Variants in SPOCK1 observed in about 807,000 individuals in gnomAD.
SPOCK1 encodes SPARC (osteonectin), cwcv and kazal like domains proteoglycan 1.
A neutral mutation model predicts 55.3 loss-of-function variants in SPOCK1; 23 were observed. The observed-to-expected ratio is 0.42, with a 90% CI of 0.30 to 0.59. SPOCK1 has a LOEUF of 0.59. SPOCK1 is among the 20% of genes least tolerant of loss of function. The pLI is 0.22. For synonymous variants in SPOCK1, 226 were observed against 221.0 expected (o/e 1.02, Z -0.20); for missense variants, 499 against 552.5 (o/e 0.90, Z 0.97).
intron 3 of SPOCK1, among the ~76,000 whole-genome samples, chr5:137,204,672 T>A (rs1167815129): frequency 1.4e-5 from 2 of 139,014 alleles, no homozygotes; most frequent in Admixed American, 7.1e-5. Flanking sequence ...AGCTTGTAAC[T>A]GACCTTCCCA....
Position 137,112,484 on chromosome 5 carries a change from G to A in SPOCK1, c.425C>T (p.Ala142Val). The change falls in exon 5 of 11, where the codon GCA becomes GTA. Residue 142 changes from alanine (A) to valine (V), a missense_variant. This residue lies in a region of SPOCK1 where 386 missense variants were observed against 400.6 expected (regional missense o/e 0.96). Coordinates refer to ENST00000394945, the MANE Select transcript of SPOCK1 (RefSeq NM_004598.4). ...NLVKCKPCPV[A>V]QSAMVCGSDG... ...TGAGCCGCAGACCATGGCTGACTGT[G>A]CCACGGGACAGGGCTTGCACTTGAC... The A allele has an allele frequency of 6.2e-7, 1 of 1,613,960 alleles. No individual in the cohort carries two copies. Among genetic ancestry groups the A allele is most frequent in the Middle Eastern group, 1.7e-4 (1 of 5,884 alleles).
At chr5:137,235,474 A>G (rs1756161058) in intron 3 of SPOCK1, among the ~76,000 whole-genome samples, 1 of 152,256 alleles carries the variant, frequency 6.6e-6, no homozygotes, top group South Asian at 2.1e-4. Context: ...GGTAATACCA[A>G]TGATCACAAG....
intron 2 of SPOCK1, among the ~76,000 whole-genome samples, chr5:137,492,976 T>C (rs564578316): frequency 2.0e-5 from 3 of 152,364 alleles, no homozygotes; most frequent in Non-Finnish European, 4.4e-5. Flanking sequence ...TGGTGCATCT[T>C]ACCATTGGTG....
intron 2 of SPOCK1, among the ~76,000 whole-genome samples, chr5:137,486,868 G>A (rs1754069534): frequency 6.6e-6 from 1 of 152,218 alleles, no homozygotes; most frequent in African/African-American, 2.4e-5. Context: ...CCAGGTGGCT[G>A]GACAAAGGCT....
intron 2 of SPOCK1, among the ~76,000 whole-genome samples, chr5:137,459,748 AG>A (rs1753441558): frequency 6.6e-6 from 1 of 152,170 alleles, no homozygotes; most frequent in Admixed American, 6.5e-5. Context: ...GGAGATAAAA[AG>A]GTAAAATAAC....
chr5:137,421,030 A>C (rs577335199), intron 2 of SPOCK1, among the ~76,000 whole-genome samples: 2 of 152,250 alleles, frequency 1.3e-5, no homozygotes, highest in East Asian at 3.9e-4. Flanking sequence ...GAACCTCTTT[A>C]TTTCTGCCTT....
chr5:137,071,592 T>C (rs1183117292), intron 5 of SPOCK1, among the ~76,000 whole-genome samples: 1 of 152,188 alleles, frequency 6.6e-6, no homozygotes. Context: ...GACTTTATGA[T>C]AAAATATAAA....
At chr5:137,441,865 A>G (rs1312953163) in intron 2 of SPOCK1, among the ~76,000 whole-genome samples, 1 of 152,216 alleles carries the variant, frequency 6.6e-6, no homozygotes, top group Non-Finnish European at 1.5e-5. Flanking sequence ...TCTGAGGATG[A>G]GCAGTTACCT....
intron 3 of SPOCK1, among the ~76,000 whole-genome samples, chr5:137,158,860 G>A (rs1754471252): frequency 6.6e-6 from 1 of 151,956 alleles, no homozygotes; most frequent in Non-Finnish European, 1.5e-5. Flanking sequence ...ACAGAGGATG[G>A]GATCTCCTAA....
chr5:137,408,546 G>C lies in SPOCK1; in HGVS notation c.186+89827C>G, dbSNP rs531226044. ...TCTCAGGGATAAAAAGCTTATCTTT[G>C]TCTCTAATCCAAACCCATTCTTGAG... is the stretch of plus-strand genomic sequence containing the variant. On this transcript the variant is annotated intron_variant, in intron 2 of 10. Transcript: ENST00000394945. 1.3e-4 allele frequency among the ~76,000 whole-genome samples: 20 copies of C among 152,246 alleles called. No individual in the cohort carries two copies. The South Asian group carries it at 3.7e-3, about 28-fold the overall frequency.
intron 2 of SPOCK1, among the ~76,000 whole-genome samples, chr5:137,481,125 C>T (rs1753941656): frequency 6.6e-6 from 1 of 152,152 alleles, no homozygotes; most frequent in Non-Finnish European, 1.5e-5. Flanking sequence ...CATTCTCCCC[C>T]TCGCCCTCTT....
rs540912927 is a variant in SPOCK1 at position 137,368,866 on chromosome 5, C to T, written c.187-101811G>A. On this transcript the variant is annotated intron_variant, in intron 2 of 10. Transcript: ENST00000394945. Reference sequence around the variant, plus strand: ...TCTTGCTGTATCTTATTAAAATGGCCTCATGCCTGCCTGGTATTAATCTGC... The same window carrying T: ...TCTTGCTGTATCTTATTAAAATGGCTTCATGCCTGCCTGGTATTAATCTGC... 5.3e-5 allele frequency among the ~76,000 whole-genome samples: 8 copies of T among 152,324 alleles called. No homozygotes were observed. In the South Asian group the frequency reaches 1.7e-3, roughly 32 times the overall value.
chr5:137,183,288 GT>G (rs1255190845), intron 3 of SPOCK1, among the ~76,000 whole-genome samples: 1 of 152,134 alleles, frequency 6.6e-6, no homozygotes, highest in African/African-American at 2.4e-5. Flanking sequence ...CATGCATGGG[GT>G]CACAGAAAGA....
At chr5:137,443,130 T>C (rs6596383) in intron 2 of SPOCK1, among the ~76,000 whole-genome samples, 34,000 of 152,116 alleles carry the variant, frequency 0.22, 4,047 homozygotes, top group Admixed American at 0.33. Context: ...TCTGCCACTT[T>C]GGCTGGACAG....
intron 2 of SPOCK1, among the ~76,000 whole-genome samples, chr5:137,438,049 A>G (rs933947518): frequency 5.9e-5 from 9 of 152,168 alleles, no homozygotes; most frequent in African/African-American, 2.2e-4. Flanking sequence ...CACTTAGCAT[A>G]ATGGCCCCAA....
At chr5:137,338,126 G>A (rs986427242) in intron 2 of SPOCK1, among the ~76,000 whole-genome samples, 5 of 151,982 alleles carry the variant, frequency 3.3e-5, no homozygotes, top group African/African-American at 4.8e-5. Context: ...CCAATAACTC[G>A]TCATTTAGCA....
intron 6 of SPOCK1, among the ~76,000 whole-genome samples, chr5:137,010,062 C>A (rs1751322664): frequency 6.6e-6 from 1 of 152,112 alleles, no homozygotes; most frequent in Non-Finnish European, 1.5e-5. Context: ...ACCTCCCCCT[C>A]CTTGGGGTGT....
At chr5:137,008,295 TAC>T (rs141325417) in intron 6 of SPOCK1, among the ~76,000 whole-genome samples, 2,217 of 138,352 alleles carry the variant, frequency 0.016, 36 homozygotes, top group South Asian at 0.043. Context: ...TAATAATAAA[TAC>T]ACACACACAC....
Position 136,988,573 on chromosome 5 carries a change from G to A in SPOCK1, c.777C>T (p.Asn259=). The A allele has an allele frequency of 6.2e-7, 1 of 1,614,154 alleles. No individual in the cohort carries two copies. Among genetic ancestry groups the A allele is most frequent in the Non-Finnish European group, 8.5e-7 (1 of 1,179,996 alleles). ...CTGAAGGGTCAAGCAGGAGGTCATA[G>A]TTCATGTCCAACTTGTTGAACATCC... is the stretch of plus-strand genomic sequence containing the variant. ...LGWMFNKLDM[N]YDLLLDPSEI... Residue 259 remains asparagine, a synonymous_variant, in exon 8 of 11, where the codon AAC becomes AAT. Coordinates refer to ENST00000394945, the MANE Select transcript of SPOCK1 (RefSeq NM_004598.4).
Sources: allele counts gnomAD v4.1 joint callset (sites outside exome capture counted in the v4.1 genomes callset), GRCh38; gene constraint gnomAD v4.1.1; regional missense constraint gnomAD v4.1.1; transcripts MANE v1.5; gene names NCBI Gene and HGNC (gene_info 2026-07-23, HGNC 2026-07-21).